PIP4P2: variants seen among roughly 807,000 people sequenced by gnomAD.
PIP4P2 encodes type 2 phosphatidylinositol 4,5-bisphosphate 4-phosphatase.
Under a neutral mutation model 33.3 loss-of-function variants are expected in PIP4P2, and 19 were observed. The ratio of observed to expected loss-of-function variants is 0.57; its 90% CI spans 0.40 to 0.84. The LOEUF (loss-of-function observed/expected upper bound fraction) is 0.84, where lower values mean the gene tolerates loss of function less well. PIP4P2 is among the 40% of genes least tolerant of loss of function. PIP4P2 has a pLI of 0.00. For synonymous variants in PIP4P2, 110 were observed against 111.9 expected (o/e 0.98, Z 0.11); for missense variants, 270 against 324.7 (o/e 0.83, Z 1.29).
intron 1 of PIP4P2, among the ~76,000 whole-genome samples, chr8:91,036,865 G>A (rs185761618): frequency 5.3e-5 from 8 of 152,290 alleles, no homozygotes; most frequent in Admixed American, 3.3e-4. Context: ...TAAGGCTGGA[G>A]TCATGTGAAG....
chr8:91,030,938 C>T (rs2130379504), intron 1 of PIP4P2, among the ~76,000 whole-genome samples: 1 of 152,262 alleles, frequency 6.6e-6, no homozygotes, highest in Admixed American at 6.5e-5. Flanking sequence ...ACTTCTTTGG[C>T]ACTGCTCCCA....
At chr8:91,031,790 T>C (rs1042332860) in intron 1 of PIP4P2, among the ~76,000 whole-genome samples, 1 of 152,130 alleles carries the variant, frequency 6.6e-6, no homozygotes, top group Non-Finnish European at 1.5e-5. Flanking sequence ...GCTATTTAGG[T>C]GAAAGAGGGA....
chr8:91,027,956 T>G (rs893494374), intron 1 of PIP4P2, among the ~76,000 whole-genome samples: 1 of 152,182 alleles, frequency 6.6e-6, no homozygotes, highest in Non-Finnish European at 1.5e-5. Flanking sequence ...GTGGTTTCCC[T>G]CCAATGCAGA....
At chr8:91,027,414 G>A (rs1761689748) in intron 1 of PIP4P2, among the ~76,000 whole-genome samples, 1 of 152,188 alleles carries the variant, frequency 6.6e-6, no homozygotes, top group Non-Finnish European at 1.5e-5. Flanking sequence ...CCTTACAAGG[G>A]GATGACCATT....
At chr8:91,007,067 C>T (rs1041826674) in intron 5 of PIP4P2, among the ~76,000 whole-genome samples, 2 of 152,016 alleles carry the variant, frequency 1.3e-5, no homozygotes, top group Non-Finnish European at 2.9e-5. Context: ...TGTACATTTT[C>T]GTGAAAATAC....
At chr8:91,026,392 A>T (rs1812085194) in intron 1 of PIP4P2, among the ~76,000 whole-genome samples, 1 of 152,060 alleles carries the variant, frequency 6.6e-6, no homozygotes, top group Non-Finnish European at 1.5e-5. Flanking sequence ...GCTCCTTCCC[A>T]AGGAAGGAGT....
At chr8:91,022,600 A>G (rs1381514538) in intron 1 of PIP4P2, among the ~76,000 whole-genome samples, 1 of 152,162 alleles carries the variant, frequency 6.6e-6, no homozygotes, top group African/African-American at 2.4e-5. Flanking sequence ...ACACTATAAA[A>G]TATAATCACA....
intron 5 of PIP4P2, among the ~76,000 whole-genome samples, chr8:91,001,833 T>G (rs889551677): frequency 1.3e-5 from 2 of 152,102 alleles, no homozygotes; most frequent in Non-Finnish European, 2.9e-5. Context: ...AATTTTGGCA[T>G]GCATAGTTTG....
At chr8:91,005,182 C>T (rs1376506391) in intron 5 of PIP4P2, among the ~76,000 whole-genome samples, 2 of 152,098 alleles carry the variant, frequency 1.3e-5, no homozygotes, top group Non-Finnish European at 2.9e-5. Context: ...TCTTCTAGAT[C>T]CTGCATGTCC....
chr8:91,029,725 C>T (rs1412749696), intron 1 of PIP4P2, among the ~76,000 whole-genome samples: 1 of 152,110 alleles, frequency 6.6e-6, no homozygotes, highest in Non-Finnish European at 1.5e-5. Flanking sequence ...AGTGCAAATG[C>T]TTTGGGAGAC....
intron 1 of PIP4P2, among the ~76,000 whole-genome samples, chr8:91,038,685 T>C (rs1052212100): frequency 6.6e-6 from 1 of 152,206 alleles, no homozygotes; most frequent in Non-Finnish European, 1.5e-5. Flanking sequence ...TTTATTACAA[T>C]GTTTGTTACT....
At chr8:91,010,853 T>C (rs1263742005) in intron 4 of PIP4P2, among the ~76,000 whole-genome samples, 1 of 151,118 alleles carries the variant, frequency 6.6e-6, no homozygotes, top group African/African-American at 2.4e-5. Context: ...TCATTTTTAG[T>C]AGAGATCTTC....
chr8:91,003,947 G>GGAGA (rs1424757188), intron 5 of PIP4P2, among the ~76,000 whole-genome samples: 2 of 128,802 alleles, frequency 1.6e-5, no homozygotes, highest in Non-Finnish European at 3.3e-5. Flanking sequence ...AGAACCAACA[G>GGAGA]GAGATAGATA....
Position 91,015,077 on chromosome 8 carries a change from G to A in PIP4P2, c.486+3313C>T, listed in dbSNP as rs114233368. Among the ~76,000 whole-genome samples the A allele has an allele frequency of 1.7e-3, 261 of 152,058 alleles. 1 individual carries two copies. Among genetic ancestry groups the A allele is most frequent in the African/African-American group, 6.1e-3 (252 of 41,474 alleles). On this transcript the variant is annotated intron_variant, in intron 4 of 6. Transcript: ENST00000285419. ...ACCAGGAACACCAGGCACAGAAGAC[G>A]GCACGAATAAAAAGTCACTCTAAAA...
chr8:91,027,531 G>T (rs1311761005), intron 1 of PIP4P2, among the ~76,000 whole-genome samples: 3 of 152,100 alleles, frequency 2.0e-5, no homozygotes, highest in Non-Finnish European at 2.9e-5. Flanking sequence ...GTAAGAGGCA[G>T]CTTCTACATA....
intron 4 of PIP4P2, 70 bp from the exon 5 acceptor site, chr8:91,008,865 C>A (rs1473953335): frequency 3.7e-6 from 5 of 1,350,718 alleles, no homozygotes; most frequent in African/African-American, 2.9e-5. Flanking sequence ...TAAGACATTT[C>A]TTTTACTTTA....
At chr8:91,018,539 T>G (rs1811953347) in intron 3 of PIP4P2, 26 bp from the exon 4 acceptor site, 1 of 1,612,832 alleles carries the variant, frequency 6.2e-7, no homozygotes, top group African/African-American at 1.3e-5. Context: ...GGAAACAACT[T>G]CACTATCCCA....
Position 91,021,388 on chromosome 8 carries a change from T to C in PIP4P2, c.123A>G (p.Pro41=), listed in dbSNP as rs1055914791. Residue 41 remains proline, a synonymous_variant, in exon 2 of 7, where the codon CCA becomes CCG. Transcript: ENST00000285419. ...ESSPRAELPP[P]YTAIASPDAS... Reference sequence around the variant, plus strand: ...CGTCTGGACTGGCAATGGCTGTATATGGAGGTGGGAGCTCCGCTGAAAAGA... The same window carrying C: ...CGTCTGGACTGGCAATGGCTGTATACGGAGGTGGGAGCTCCGCTGAAAAGA... 6.2e-7 allele frequency: 1 copy of C among 1,613,730 alleles called. No homozygotes were observed.
At chr8:90,997,419 T>G (rs752097046) in intron 5 of PIP4P2, among the ~76,000 whole-genome samples, 2 of 152,140 alleles carry the variant, frequency 1.3e-5, no homozygotes, top group African/African-American at 2.4e-5. Context: ...ATTGTGCTTA[T>G]TTTTAATCAT....
Sources: allele counts gnomAD v4.1 joint callset (sites outside exome capture counted in the v4.1 genomes callset), GRCh38; gene constraint gnomAD v4.1.1; transcripts MANE v1.5; gene names NCBI Gene and HGNC (gene_info 2026-07-23, HGNC 2026-07-21).